The following PROSER1 variants were observed in gnomAD, a reference collection of about 807,000 sequenced individuals.
PROSER1 encodes proline and serine-rich protein 1.
A neutral mutation model predicts 71.8 loss-of-function variants in PROSER1; 36 were observed. The ratio of observed to expected loss-of-function variants is 0.50; its 90% CI spans 0.38 to 0.66. The LOEUF is 0.66. Ranked by LOEUF, PROSER1 falls within the 30% of genes least tolerant of loss-of-function variation. PROSER1 has a pLI of 0.00. For missense variants in PROSER1, 1,107 were observed against 1,135.0 expected (o/e 0.98, Z 0.35); for synonymous variants, 490 against 452.4 (o/e 1.08, Z -1.06).
At position 39,013,037 on chromosome 13, in the gene PROSER1, G is replaced by A. The variant is rs764904849; in HGVS notation, c.2215C>T (p.Pro739Ser). Residue 739 changes from proline (P) to serine (S), a missense_variant, in exon 11 of 13, where the codon CCT becomes TCT. Physicochemically the swap from Pro to Ser is moderately conservative, Grantham distance 74. Transcript: ENST00000352251. ...SSTAATSTSL[P>S]HPSSTAAVLS... is the part of the protein sequence containing the mutation. Reference sequence around the variant, plus strand: ...ACAGCTGCCGTTGAGCTAGGATGAGGGAGAGATGTGGAGGTGGCAGCGGTA... The same window carrying A: ...ACAGCTGCCGTTGAGCTAGGATGAGAGAGAGATGTGGAGGTGGCAGCGGTA... 7 of 1,614,110 alleles carry A rather than the reference G, an allele frequency of 4.3e-6. No individual in the cohort carries two copies. In the South Asian group the frequency reaches 7.7e-5, roughly 18 times the overall value.
At chr13:39,020,940 G>A (rs1024029750) in intron 9 of PROSER1, among the ~76,000 whole-genome samples, 1 of 152,098 alleles carries the variant, frequency 6.6e-6, no homozygotes, top group Non-Finnish European at 1.5e-5. Context: ...CTCAAATGGT[G>A]GCATTCATTA....
At chr13:39,012,499 C>T in intron 11 of PROSER1, 192 bp downstream of exon 11, 1 of 641,748 alleles carries the variant, frequency 1.6e-6, no homozygotes, top group Non-Finnish European at 2.7e-6. Context: ...CAAATCCAAA[C>T]ATTGTATCAA....
chr13:39,029,408 G>A (rs766427610), intron 3 of PROSER1, 33 bp from the exon 4 acceptor site: 28 of 1,255,988 alleles, frequency 2.2e-5, no homozygotes, highest in Admixed American at 2.7e-5. Context: ...TATTTTTAAC[G>A]TGAAATTTTC....
chr13:39,036,417 T>C (rs1300359859), intron 1 of PROSER1, among the ~76,000 whole-genome samples: 1 of 152,186 alleles, frequency 6.6e-6, no homozygotes, highest in Non-Finnish European at 1.5e-5. Context: ...CGTAAAGGTA[T>C]GCAGCTGACG....
intron 9 of PROSER1, among the ~76,000 whole-genome samples, chr13:39,021,813 T>G (rs1221733441): frequency 6.6e-6 from 1 of 152,146 alleles, no homozygotes; most frequent in Non-Finnish European, 1.5e-5. Context: ...GCCTCTCCTA[T>G]GAGTTTCCAT....
At chr13:39,035,767 T>C (rs1188917712) in intron 1 of PROSER1, among the ~76,000 whole-genome samples, 5 of 152,216 alleles carry the variant, frequency 3.3e-5, no homozygotes, top group African/African-American at 1.2e-4. Context: ...CTGACTTACA[T>C]TTACAAAGAA....
At chr13:39,021,775 C>G (rs538793755) in intron 9 of PROSER1, among the ~76,000 whole-genome samples, 2 of 152,156 alleles carry the variant, frequency 1.3e-5, no homozygotes, top group African/African-American at 2.4e-5. Context: ...AAGCAGCTCA[C>G]GTTTAATTTA....
chr13:39,013,106 T>G lies in PROSER1; in HGVS notation c.2146A>C (p.Asn716His), dbSNP rs1424049388. Residue 716 changes from asparagine to histidine, a missense_variant, in exon 11 of 13, where the codon AAT becomes CAT. Transcript: ENST00000352251. Reference protein sequence around the residue: ...NFPLTGNPSLNPSVSLPGSLI... With the variant: ...NFPLTGNPSLHPSVSLPGSLI... ...GACCCTGGGAGAGATACTGACGGAT[T>G]AAGAGATGGGTTGCCAGTTAAAGGA... is the stretch of plus-strand genomic sequence containing the variant. 2 of 1,613,728 alleles carry G rather than the reference T, an allele frequency of 1.2e-6. No homozygotes were observed. The highest frequency in any genetic ancestry group is 2.7e-5 in the African/African-American group (2 of 74,778).
chr13:39,029,400 T>C (rs76410726), intron 3 of PROSER1, 25 bp from the exon 4 acceptor site: 85,238 of 1,307,800 alleles, frequency 0.065, 3,065 homozygotes, highest in South Asian at 0.12. Flanking sequence ...AATAATTTTA[T>C]TTTTAACGTG....
At chr13:39,032,658 G>A (rs558719395) in intron 2 of PROSER1, among the ~76,000 whole-genome samples, 3 of 151,954 alleles carry the variant, frequency 2.0e-5, no homozygotes, top group Non-Finnish European at 4.4e-5. Flanking sequence ...TTTGATAAAC[G>A]TCTATGTCCT....
chr13:39,024,581 AATTGAAACTT>A, intron 6 of PROSER1, 25 bp from the exon 7 acceptor site: 10 of 1,475,426 alleles, frequency 6.8e-6, no homozygotes, highest in Non-Finnish European at 9.2e-6. Flanking sequence ...AAAAAAAGGT[AATTGAAACTT>A]AAAAAAAAAA....
intron 7 of PROSER1, 184 bp from the exon 8 acceptor site, chr13:39,023,314 T>C: frequency 1.9e-6 from 1 of 530,372 alleles, no homozygotes; most frequent in Non-Finnish European, 3.4e-6. Context: ...TGCTATTAAA[T>C]TCCAAATGCA....
intron 5 of PROSER1, among the ~76,000 whole-genome samples, chr13:39,027,369 T>C (rs932412628): frequency 6.6e-6 from 1 of 152,118 alleles, no homozygotes; most frequent in Non-Finnish European, 1.5e-5. Context: ...GCTCTTCAAG[T>C]TTACCTTCTA....
chr13:39,028,295 G>C lies in PROSER1; in HGVS notation c.301C>G (p.Arg101Gly). The C allele has an allele frequency of 6.3e-7, 1 of 1,596,490 alleles. No homozygotes were observed. Among genetic ancestry groups the C allele is most frequent in the Non-Finnish European group, 8.6e-7 (1 of 1,165,002 alleles). ...ACCCTGAATAAATCTTCAATAGGAC[G>C]AGAATTCTGTGCATCAATAATGTTC... ...ASNIIDAQNS[R>G]PIEDLFRVNM... is the part of the protein sequence containing the mutation. The change falls in exon 5 of 13, where the codon CGT becomes GGT. Residue 101 changes from arginine (R) to glycine (G), a missense_variant. Transcript: ENST00000352251.
At chr13:39,031,714 G>T (rs775531182) in intron 2 of PROSER1, 83 bp from the exon 3 acceptor site, 10 of 1,249,896 alleles carry the variant, frequency 8.0e-6, no homozygotes, top group Admixed American at 3.6e-5. Context: ...ATTATAATTC[G>T]ACACGTGCAG....
chr13:39,026,913 G>A (rs772472091), intron 5 of PROSER1, among the ~76,000 whole-genome samples: 2 of 152,164 alleles, frequency 1.3e-5, no homozygotes, highest in Non-Finnish European at 2.9e-5. Flanking sequence ...ATGAGAAATA[G>A]TGAGGGAAGG....
rs777591348 is a variant in PROSER1 at position 39,013,504 on chromosome 13, C to A, written c.1748G>T (p.Arg583Leu). The part of the protein sequence containing the change: ...VSCGSSASLL[R>L]GPHPGTSDLH... Reference sequence around the variant, plus strand: ...ATCTGAGGTACCTGGGTGGGGGCCACGCAAAAGGGAGGCTGAGGAGCCACA... The same window carrying A: ...ATCTGAGGTACCTGGGTGGGGGCCAAGCAAAAGGGAGGCTGAGGAGCCACA... Residue 583 changes from arginine to leucine, a missense_variant, in exon 11 of 13, where the codon CGT (arginine) becomes CTT (leucine). Transcript: ENST00000352251. 2.3e-5 allele frequency: 37 copies of A among 1,613,794 alleles called. No individual in the cohort carries two copies. The highest frequency in any genetic ancestry group is 3.0e-5 in the Non-Finnish European group (35 of 1,180,004).
chr13:39,024,222 C>T lies in PROSER1; in HGVS notation c.564+251G>A, dbSNP rs1024224007. Among the ~76,000 whole-genome samples the T allele has an allele frequency of 3.7e-4, 57 of 152,150 alleles. 1 individual carries two copies. The highest frequency in any genetic ancestry group is 3.7e-3 in the Admixed American group (57 of 15,266). ...ACACTCCGTATCTCCAACTGAGCAG[C>T]TGAATGCATCTCGAGAAAAAAACTG... On this transcript the variant is annotated intron_variant, in intron 7 of 12. Transcript: ENST00000352251.
chr13:39,027,096 G>GTA (rs778653654), intron 5 of PROSER1, among the ~76,000 whole-genome samples: 70 of 151,882 alleles, frequency 4.6e-4, no homozygotes, highest in African/African-American at 1.6e-3. Flanking sequence ...ATATGTGTGT[G>GTA]TATATATATA....
Sources: gnomAD v4.1 joint callset for allele counts (sites outside exome capture counted in the v4.1 genomes callset) on GRCh38, gnomAD v4.1.1 for gene constraint, MANE v1.5 for transcripts, NCBI Gene and HGNC (gene_info 2026-07-23, HGNC 2026-07-21) for gene names.